DISC1: variants seen among roughly 807,000 people sequenced by gnomAD.
The protein encoded by DISC1 is disrupted in schizophrenia 1 protein.
In DISC1, 57 loss-of-function variants were observed where a neutral mutation model predicts 84.5. The observed-to-expected ratio is 0.67, with a 90% CI of 0.55 to 0.84. The LOEUF (loss-of-function observed/expected upper bound fraction) is 0.84, where lower values mean the gene tolerates loss of function less well. Ranked by LOEUF, DISC1 falls within the 40% of genes least tolerant of loss-of-function variation. The pLI is 0.00. For synonymous variants in DISC1, 411 were observed against 415.2 expected (o/e 0.99, Z 0.12); for missense variants, 1,000 against 1,057.8 (o/e 0.95, Z 0.76).
intron 9 of DISC1, among the ~76,000 whole-genome samples, chr1:231,933,293 A>C (rs1317501159): frequency 1.3e-5 from 2 of 152,166 alleles, no homozygotes; most frequent in East Asian, 3.9e-4. Flanking sequence ...AACTTCAGCT[A>C]GCCTTGCTTT....
chr1:232,003,302 T>C (rs1014644607), intron 10 of DISC1, among the ~76,000 whole-genome samples: 1 of 152,066 alleles, frequency 6.6e-6, no homozygotes, highest in Non-Finnish European at 1.5e-5. Flanking sequence ...CTGGGTAAAT[T>C]TGAATTAAAA....
chr1:231,893,744 TG>T (rs2087447156), intron 9 of DISC1, among the ~76,000 whole-genome samples: 1 of 152,172 alleles, frequency 6.6e-6, no homozygotes, highest in Non-Finnish European at 1.5e-5. Context: ...TTAGGACCAC[TG>T]GTGTTCCATT....
chr1:231,947,775 G>A (rs821584), intron 9 of DISC1, among the ~76,000 whole-genome samples: 51,935 of 151,824 alleles, frequency 0.34, 10,249 homozygotes, highest in East Asian at 0.74. Context: ...AAAACAAATA[G>A]CCCCATCAAA....
chr1:231,779,685 G>A (rs2077242262), intron 6 of DISC1, among the ~76,000 whole-genome samples: 1 of 151,048 alleles, frequency 6.6e-6, no homozygotes, highest in Non-Finnish European at 1.5e-5. Flanking sequence ...TCAGCCGCCG[G>A]AGTAGCTGGG....
At chr1:231,697,187 T>A (rs2065821529) in intron 2 of DISC1, among the ~76,000 whole-genome samples, 1 of 152,106 alleles carries the variant, frequency 6.6e-6, no homozygotes, top group East Asian at 1.9e-4. Context: ...CGGTGAAGGA[T>A]CTCCAAAAAG....
At chr1:232,002,323 T>C (rs1266782524) in intron 10 of DISC1, among the ~76,000 whole-genome samples, 27 of 152,190 alleles carry the variant, frequency 1.8e-4, no homozygotes, top group Admixed American at 1.8e-3. Context: ...GGCAGTTTCT[T>C]ATAAAACTAA....
chr1:231,805,138 T>A (rs2079601337), intron 8 of DISC1, among the ~76,000 whole-genome samples: 1 of 152,210 alleles, frequency 6.6e-6, no homozygotes, highest in African/African-American at 2.4e-5. Flanking sequence ...CTCTCCCTTT[T>A]CACTGTACAC....
chr1:232,012,760 G>T (rs1668142530), intron 11 of DISC1, among the ~76,000 whole-genome samples: 1 of 152,164 alleles, frequency 6.6e-6, no homozygotes, highest in Admixed American at 6.5e-5. Context: ...CTTTGTCGTT[G>T]ATCGACACCT....
intron 9 of DISC1, among the ~76,000 whole-genome samples, chr1:231,848,895 G>T (rs16855239): frequency 0.17 from 26,503 of 152,128 alleles, 2,416 homozygotes; most frequent in Middle Eastern, 0.3. Context: ...ATACTCTGCA[G>T]TGTCTTGCAC....
chr1:231,853,678 G>C (rs1435136469), intron 9 of DISC1, among the ~76,000 whole-genome samples: 1 of 152,146 alleles, frequency 6.6e-6, no homozygotes, highest in African/African-American at 2.4e-5. Flanking sequence ...TGGTGAGGAA[G>C]GTACTGGCTT....
At chr1:231,721,891 C>T (rs898322482) in intron 3 of DISC1, among the ~76,000 whole-genome samples, 3 of 151,992 alleles carry the variant, frequency 2.0e-5, no homozygotes, top group African/African-American at 4.8e-5. Context: ...CGGTGGCTCA[C>T]GCCTGGAATC....
chr1:231,649,302 A>G (rs1250838588), intron 1 of DISC1, among the ~76,000 whole-genome samples: 5 of 152,090 alleles, frequency 3.3e-5, no homozygotes, highest in East Asian at 3.9e-4. Flanking sequence ...TTCTGCCTTC[A>G]TTTTGTTATT....
At chr1:231,913,048 C>A (rs1453261561) in intron 9 of DISC1, among the ~76,000 whole-genome samples, 1 of 152,068 alleles carries the variant, frequency 6.6e-6, no homozygotes, top group Non-Finnish European at 1.5e-5. Context: ...GCTGGGACCA[C>A]AGGCACACAC....
chr1:231,914,272 G>C (rs1401611079), intron 9 of DISC1, among the ~76,000 whole-genome samples: 1 of 152,228 alleles, frequency 6.6e-6, no homozygotes, highest in Admixed American at 6.5e-5. Context: ...TCAACCAGTA[G>C]CTCACACTTA....
At chr1:231,877,927 G>A (rs773504623) in intron 9 of DISC1, among the ~76,000 whole-genome samples, 19 of 152,124 alleles carry the variant, frequency 1.2e-4, no homozygotes, top group Non-Finnish European at 1.9e-4. Context: ...GAAATTGAGT[G>A]GTAAGTATCT....
At chr1:231,650,638 A>ATAG (rs1213548224) in intron 1 of DISC1, among the ~76,000 whole-genome samples, 1 of 152,158 alleles carries the variant, frequency 6.6e-6, no homozygotes, top group East Asian at 1.9e-4. Flanking sequence ...GTTCTCCTGG[A>ATAG]TAGTATCCTG....
At chr1:231,748,185 G>C (rs2074222038) in intron 3 of DISC1, among the ~76,000 whole-genome samples, 1 of 151,972 alleles carries the variant, frequency 6.6e-6, no homozygotes, top group Non-Finnish European at 1.5e-5. Flanking sequence ...CTGCAAATAG[G>C]GACAATTTAA....
At chr1:231,642,198 G>A (rs1459581504) in intron 1 of DISC1, among the ~76,000 whole-genome samples, 1 of 152,162 alleles carries the variant, frequency 6.6e-6, no homozygotes, top group Non-Finnish European at 1.5e-5. Context: ...CGGCCACTCC[G>A]AGTGCGGACC....
At chr1:231,780,959 A>G (rs1314528033) in intron 6 of DISC1, among the ~76,000 whole-genome samples, 1 of 113,884 alleles carries the variant, frequency 8.8e-6, no homozygotes, top group Non-Finnish European at 1.7e-5. Flanking sequence ...GAATTGAACA[A>G]TGAGATCACA....
Sources: gnomAD v4.1 joint callset for allele counts (sites outside exome capture counted in the v4.1 genomes callset) on GRCh38, gnomAD v4.1.1 for gene constraint, MANE v1.5 for transcripts, NCBI Gene and HGNC (gene_info 2026-07-23, HGNC 2026-07-21) for gene names.